The following SVEP1 variants were observed in gnomAD, a reference collection of about 807,000 sequenced individuals.
SVEP1 encodes sushi, von Willebrand factor type A, EGF and pentraxin domain containing 1, also known as sushi, von Willebrand factor type A, EGF and pentraxin domain-containing protein 1.
Under a neutral mutation model 367.3 loss-of-function variants are expected in SVEP1, and 164 were observed. The observed-to-expected ratio is 0.45, with a 90% CI of 0.39 to 0.51. The LOEUF (loss-of-function observed/expected upper bound fraction) is 0.51, where lower values mean the gene tolerates loss of function less well. Ranked by LOEUF, SVEP1 falls within the 20% of genes least tolerant of loss-of-function variation. The pLI is 0.00. For missense variants in SVEP1, 4,117 were observed against 4,425.3 expected (o/e 0.93, Z 1.98); for synonymous variants, 1,666 against 1,611.6 (o/e 1.03, Z -0.81).
chr9:110,389,106 C>G (rs1019787827), intron 41 of SVEP1, among the ~76,000 whole-genome samples: 1 of 152,060 alleles, frequency 6.6e-6, no homozygotes, highest in Admixed American at 6.6e-5. Flanking sequence ...AGTTAAATTC[C>G]ATGCAAAATA....
intron 18 of SVEP1, among the ~76,000 whole-genome samples, chr9:110,462,484 C>T (rs1323083344): frequency 3.3e-5 from 5 of 149,824 alleles, no homozygotes; most frequent in Admixed American, 6.7e-5. Flanking sequence ...TACACACACA[C>T]GCATATATAT....
At chr9:110,429,520 T>C (rs560900451) in intron 34 of SVEP1, among the ~76,000 whole-genome samples, 186 bp from the exon 35 acceptor site, 169 of 152,204 alleles carry the variant, frequency 1.1e-3, no homozygotes, top group Non-Finnish European at 1.9e-3. Context: ...ATCTTCCCCA[T>C]AGGGAAGTAG....
At chr9:110,428,289 A>G (rs1214043632) in intron 35 of SVEP1, among the ~76,000 whole-genome samples, 1 of 152,024 alleles carries the variant, frequency 6.6e-6, no homozygotes, top group Middle Eastern at 3.2e-3. Context: ...TGATTCTGAT[A>G]GCATGCTTTA....
chr9:110,413,508 A>T (rs939195876), intron 36 of SVEP1, among the ~76,000 whole-genome samples: 1 of 151,362 alleles, frequency 6.6e-6, no homozygotes, highest in Admixed American at 6.6e-5. Context: ...AACCTGCACA[A>T]TGTGCACATG....
At chr9:110,514,882 G>A (rs1387612265) in intron 3 of SVEP1, among the ~76,000 whole-genome samples, 1 of 152,148 alleles carries the variant, frequency 6.6e-6, no homozygotes, top group Non-Finnish European at 1.5e-5. Flanking sequence ...CTGCAGATAC[G>A]CAAAAAGCAC....
At chr9:110,503,525 G>T (rs72748878) in intron 5 of SVEP1, among the ~76,000 whole-genome samples, 2 of 152,186 alleles carry the variant, frequency 1.3e-5, no homozygotes, top group Non-Finnish European at 2.9e-5. Flanking sequence ...GATCACAAAA[G>T]GGAGGTACCT....
chr9:110,398,181 T>A (rs1331561995), intron 40 of SVEP1, among the ~76,000 whole-genome samples: 4 of 151,876 alleles, frequency 2.6e-5, no homozygotes, highest in Non-Finnish European at 5.9e-5. Context: ...CCTCAGAAAT[T>A]ATGCTGCATA....
intron 43 of SVEP1, among the ~76,000 whole-genome samples, chr9:110,383,411 G>A (rs1827470701): frequency 6.6e-6 from 1 of 152,308 alleles, no homozygotes; most frequent in South Asian, 2.1e-4. Context: ...ACCAGCGGAC[G>A]CTGCAGAACA....
Position 110,579,301 on chromosome 9 carries a change from G to A in SVEP1, c.243C>T (p.Arg81=), listed in dbSNP as rs1011192742. ...CATCCACCAGGAAGACAAGCTCCAG[G>A]CGCTCGCTGAGCTCCCGCAGCAGCC... is the stretch of plus-strand genomic sequence containing the variant. The part of the protein sequence containing the change: ...RVRLLRELSE[R]LELVFLVDDS... Residue 81 remains arginine, a synonymous_variant, in exon 1 of 48, where the codon CGC becomes CGT. Coordinates refer to ENST00000374469, the MANE Select transcript of SVEP1 (RefSeq NM_153366.4). The surrounding 1 kb of genome is among the most constrained non-coding windows in gnomAD (Gnocchi z 5.3). 13 of 1,567,588 alleles carry A rather than the reference G, an allele frequency of 8.3e-6. No individual in the cohort carries two copies. The African/African-American group carries it at 9.5e-5, about 11-fold the overall frequency.
At chr9:110,398,109 A>AACCAAAACAGCATGGTACTGAT (rs1827796417) in intron 40 of SVEP1, among the ~76,000 whole-genome samples, 1 of 151,842 alleles carries the variant, frequency 6.6e-6, no homozygotes, top group African/African-American at 2.4e-5. Flanking sequence ...AGGCTACAGT[A>AACCAAAACAGCATGGTACTGAT]ACCAAAACAG....
intron 41 of SVEP1, among the ~76,000 whole-genome samples, chr9:110,388,616 T>G (rs1302129295): frequency 1.3e-5 from 2 of 151,774 alleles, no homozygotes; most frequent in Non-Finnish European, 2.9e-5. Context: ...TTGAGTATGC[T>G]GAGATCACAG....
In SVEP1 at chr9:110,411,359, G is replaced by A. The variant is rs905352445; in HGVS notation, c.6352C>T (p.Leu2118=). The part of the protein sequence containing the change: ...VSFKCMEGFV[L]NTSAKIECMR... Reference sequence around the variant, plus strand: ...CATTCAATCTTTGCTGAGGTGTTCAGTACAAAGCCTTCCATGCATTTAAAG... The same window carrying A: ...CATTCAATCTTTGCTGAGGTGTTCAATACAAAGCCTTCCATGCATTTAAAG... Residue 2118 remains leucine (L), a synonymous_variant, in exon 37 of 48, where the codon CTG becomes TTG. Transcript: ENST00000374469. The A allele has an allele frequency of 1.2e-6, 2 of 1,614,022 alleles. No individual in the cohort carries two copies. The highest frequency in any genetic ancestry group is 1.7e-6 in the Non-Finnish European group (2 of 1,179,900).
intron 5 of SVEP1, among the ~76,000 whole-genome samples, chr9:110,505,313 C>T (rs1829607224): frequency 6.6e-6 from 1 of 152,092 alleles, no homozygotes; most frequent in South Asian, 2.1e-4. Flanking sequence ...TTCATCATGC[C>T]CTCTATTCCT....
intron 45 of SVEP1, among the ~76,000 whole-genome samples, chr9:110,376,471 G>A (rs1827353177): frequency 6.6e-6 from 1 of 152,164 alleles, no homozygotes; most frequent in South Asian, 2.1e-4. Context: ...TTGGTGAGTT[G>A]TTAGCAGCCT....
intron 3 of SVEP1, among the ~76,000 whole-genome samples, chr9:110,542,272 G>A (rs1192008369): frequency 6.6e-6 from 1 of 152,104 alleles, no homozygotes; most frequent in Non-Finnish European, 1.5e-5. Flanking sequence ...TTCTGCTGAT[G>A]TTTGGGTATG....
In SVEP1 at chr9:110,434,548, A is replaced by T. The variant is rs745633530; in HGVS notation, c.4889-42T>A. The T allele has an allele frequency of 7.6e-6, 12 of 1,579,810 alleles. 1 individual carries two copies. The East Asian group carries it at 2.3e-4, about 30-fold the overall frequency. ...CAGGTGCAGAGCTTGTCAGCGGCAT[A>T]GTGGTAGCATCACCAAGTCAATGAT... On this transcript the variant is annotated intron_variant, in intron 29 of 47. Coordinates refer to ENST00000374469, the MANE Select transcript of SVEP1 (RefSeq NM_153366.4).
chr9:110,377,020 C>A, intron 45 of SVEP1: 1 of 352,406 alleles, frequency 2.8e-6, no homozygotes, highest in Non-Finnish European at 5.2e-6. Flanking sequence ...CTCAAGAAGA[C>A]TTTTGCAAAT....
rs552174334 is a variant in SVEP1 at position 110,532,621 on chromosome 9, G to C, written c.964+13494C>G. On this transcript the variant is annotated intron_variant, in intron 3 of 47. Transcript: ENST00000374469. ...ACAGAATTTGATATTTCTTCTAAAA[G>C]TTTTTAAAAAGAATTACAGTAGTGT... 5.9e-5 allele frequency among the ~76,000 whole-genome samples: 9 copies of C among 152,208 alleles called. No homozygotes were observed. In the South Asian group the frequency reaches 1.7e-3, roughly 28 times the overall value.
intron 1 of SVEP1, among the ~76,000 whole-genome samples, chr9:110,562,865 T>C (rs1024316222): frequency 1.3e-5 from 2 of 152,090 alleles, no homozygotes; most frequent in African/African-American, 2.4e-5. Flanking sequence ...AATTTTTTTG[T>C]ATTTTTAGTA....
Sources: gnomAD v4.1 joint callset for allele counts (sites outside exome capture counted in the v4.1 genomes callset) on GRCh38, gnomAD v4.1.1 for gene constraint, Gnocchi (gnomAD v3.1) non-coding constraint, MANE v1.5 for transcripts, NCBI Gene and HGNC (gene_info 2026-07-23, HGNC 2026-07-21) for gene names.